The following NBEAL1 variants were observed in gnomAD, a reference collection of about 807,000 sequenced individuals.
The protein encoded by NBEAL1 is neurobeachin-like protein 1.
A neutral mutation model predicts 351.3 loss-of-function variants in NBEAL1; 273 were observed. That is an observed-to-expected ratio of 0.78 (90% confidence interval 0.70 to 0.86). The LOEUF (loss-of-function observed/expected upper bound fraction) is 0.86, where lower values mean the gene tolerates loss of function less well. Ranked by LOEUF, NBEAL1 falls within the 40% of genes least tolerant of loss-of-function variation. The pLI is 0.00. For missense variants in NBEAL1, 2,961 were observed against 3,201.3 expected, an observed-to-expected ratio of 0.92 and a Z score of 1.81; for synonymous variants, 1,050 against 1,086.4, an observed-to-expected ratio of 0.97 and a Z score of 0.66.
rs1175562024 is a variant in NBEAL1, at chr2:203,107,875, T to G, written c.1636T>G (p.Ser546Ala). 1.9e-6 allele frequency: 3 copies of G among 1,554,294 alleles called. No individual in the cohort carries two copies. The Admixed American group carries it at 5.9e-5, about 30-fold the overall frequency. ...CAENLIAIHG[S>A]LGSQSVSSEE... Reference sequence around the variant, plus strand: ...TGAGAACTTGATTGCAATCCATGGTTCCTTGGGGAGTCAGTCAGTGAGCTC... The same window carrying G: ...TGAGAACTTGATTGCAATCCATGGTGCCTTGGGGAGTCAGTCAGTGAGCTC... The change falls in exon 14 of 56, where the codon TCC (serine) becomes GCC (alanine). Residue 546 changes from serine (S) to alanine (A), a missense_variant. Ser to Ala is a moderately conservative substitution (Grantham distance 99, BLOSUM62 1). Coordinates refer to ENST00000683969, the MANE Select transcript of NBEAL1 (RefSeq NM_001378026.1).
chr2:203,178,240 C>A (rs2064583243), intron 42 of NBEAL1, among the ~76,000 whole-genome samples: 1 of 151,008 alleles, frequency 6.6e-6, no homozygotes, highest in Non-Finnish European at 1.5e-5. Context: ...TTTCCGCTCA[C>A]TGCAACCTCC....
chr2:203,105,191 A>G (rs2062407260), intron 12 of NBEAL1, among the ~76,000 whole-genome samples: 1 of 151,764 alleles, frequency 6.6e-6, no homozygotes. Flanking sequence ...GGATGGGCGC[A>G]GTCGCTCACA....
chr2:203,055,166 G>C (rs1197445884), intron 4 of NBEAL1, among the ~76,000 whole-genome samples: 3 of 152,074 alleles, frequency 2.0e-5, no homozygotes, highest in Non-Finnish European at 4.4e-5. Context: ...TTTTGTCCAT[G>C]TTTTCTAGTT....
At chr2:203,162,100 T>C (rs950906688) in intron 36 of NBEAL1, among the ~76,000 whole-genome samples, 5 of 146,208 alleles carry the variant, frequency 3.4e-5, no homozygotes, top group African/African-American at 1.0e-4. Flanking sequence ...CTCGGCTCCC[T>C]GTAACCACCA....
chr2:203,190,203 CA>C (rs2065029744), intron 45 of NBEAL1, 88 bp from the exon 46 acceptor site: 5 of 501,396 alleles, frequency 1.0e-5, no homozygotes, highest in South Asian at 7.5e-5. Flanking sequence ...CACACACACA[CA>C]CACACCAATG....
chr2:203,100,656 C>G (rs1317353401), intron 12 of NBEAL1, among the ~76,000 whole-genome samples: 2 of 151,488 alleles, frequency 1.3e-5, no homozygotes, highest in East Asian at 1.9e-4. Flanking sequence ...AAGTGATGCT[C>G]CTGCCTCAGC....
At chr2:203,177,010 G>A (rs1291155453) in intron 42 of NBEAL1, among the ~76,000 whole-genome samples, 1 of 151,844 alleles carries the variant, frequency 6.6e-6, no homozygotes, top group Non-Finnish European at 1.5e-5. Context: ...AGTTAGTCGG[G>A]TGTGGTGGTG....
chr2:203,151,392 A>G, intron 34 of NBEAL1, 73 bp from the exon 35 acceptor site: 1 of 1,116,224 alleles, frequency 9.0e-7, no homozygotes, highest in Non-Finnish European at 1.3e-6. Flanking sequence ...ATACTTTTTT[A>G]CATTATTTAA....
intron 10 of NBEAL1, among the ~76,000 whole-genome samples, chr2:203,086,448 C>T (rs1417926458): frequency 4.6e-5 from 7 of 152,300 alleles, no homozygotes; most frequent in African/African-American, 1.2e-4. Context: ...GTTAGTTCAG[C>T]TCTCTTGAGG....
At position 203,175,287 on chromosome 2, in the gene NBEAL1, G is replaced by A. The variant is rs866574477; in HGVS notation, c.6464G>A (p.Arg2155Lys). Residue 2155 changes from arginine to lysine, a missense_variant and splice_region_variant, in exon 42 of 56, where the codon AGG becomes AAG. Physicochemically the swap from Arg to Lys is conservative, Grantham distance 26. Transcript: ENST00000683969. ...CTCCACATCCAACTTCAGAGTGGAAGGTATGTTTTGAGTAAATAAGCTATT... is the reference window on the plus strand; with the variant it reads ...CTCCACATCCAACTTCAGAGTGGAAAGTATGTTTTGAGTAAATAAGCTATT... The part of the protein sequence containing the change: ...TTLHIQLQSG[R>K]FDCADRQFHS... 5.0e-6 allele frequency: 8 copies of A among 1,613,254 alleles called. No individual in the cohort carries two copies. The highest frequency in any genetic ancestry group is 6.8e-6 in the Non-Finnish European group (8 of 1,179,710).
At chr2:203,107,250 C>G (rs2062458676) in intron 12 of NBEAL1, among the ~76,000 whole-genome samples, 170 bp from the exon 13 acceptor site, 1 of 152,016 alleles carries the variant, frequency 6.6e-6, no homozygotes, top group African/African-American at 2.4e-5. Context: ...TATATGGAAT[C>G]TATTTTAAAA....
chr2:203,158,688 A>G (rs2063861344), intron 36 of NBEAL1, among the ~76,000 whole-genome samples: 1 of 152,110 alleles, frequency 6.6e-6, no homozygotes. Flanking sequence ...TTTGTTTGCT[A>G]CATAATTATC....
At chr2:203,084,777 C>T (rs993401934) in intron 10 of NBEAL1, 3 of 376,386 alleles carry the variant, frequency 8.0e-6, no homozygotes, top group Non-Finnish European at 1.4e-5. Flanking sequence ...ACTGGAATTT[C>T]TTTGTATGGG....
At chr2:203,102,887 A>C (rs1489108966) in intron 12 of NBEAL1, among the ~76,000 whole-genome samples, 1 of 152,180 alleles carries the variant, frequency 6.6e-6, no homozygotes, top group Non-Finnish European at 1.5e-5. Context: ...GAATGGTACC[A>C]GCTCTTTTTT....
chr2:203,024,788 G>C (rs2060828994), intron 2 of NBEAL1, among the ~76,000 whole-genome samples: 1 of 151,786 alleles, frequency 6.6e-6, no homozygotes, highest in East Asian at 1.9e-4. Context: ...CTTGAACCTG[G>C]GGGGCGGAGA....
intron 35 of NBEAL1, among the ~76,000 whole-genome samples, chr2:203,154,934 C>CAAAA (rs55890648): frequency 5.4e-5 from 5 of 92,700 alleles, no homozygotes; most frequent in South Asian, 4.2e-4. Context: ...GACCTTGTCT[C>CAAAA]AAAAAAAAAA....
intron 36 of NBEAL1, among the ~76,000 whole-genome samples, chr2:203,162,224 G>C (rs925716048): frequency 6.6e-6 from 1 of 151,228 alleles, no homozygotes; most frequent in African/African-American, 2.4e-5. Flanking sequence ...GGGTTTCACC[G>C]TGTTGGCCAG....
At chr2:203,136,379 T>C in intron 28 of NBEAL1, 127 bp downstream of exon 28, 1 of 860,712 alleles carries the variant, frequency 1.2e-6, no homozygotes, top group South Asian at 2.0e-5. Flanking sequence ...TTTCATGATC[T>C]AAGGTTTAGA....
intron 3 of NBEAL1, among the ~76,000 whole-genome samples, chr2:203,049,266 C>G (rs1232264983): frequency 1.3e-5 from 2 of 152,134 alleles, no homozygotes; most frequent in East Asian, 3.8e-4. Context: ...ACCATGTTGA[C>G]CAGGCTGGTC....
Sources: allele counts gnomAD v4.1 joint callset (sites outside exome capture counted in the v4.1 genomes callset), GRCh38; gene constraint gnomAD v4.1.1; transcripts MANE v1.5; gene names NCBI Gene and HGNC (gene_info 2026-07-23, HGNC 2026-07-21).